KIF13A: variants seen among roughly 807,000 people sequenced by gnomAD.
KIF13A encodes the protein kinesin family member 13A, also known as kinesin-like protein KIF13A.
KIF13A carries 79 observed loss-of-function variants against 212.2 expected under a neutral mutation model. The ratio of observed to expected loss-of-function variants is 0.37; its 90% CI spans 0.31 to 0.45. The LOEUF is 0.45. KIF13A is among the 20% of genes least tolerant of loss of function. KIF13A has a pLI of 1.00. For missense variants in KIF13A, 1,901 were observed against 2,209.0 expected (o/e 0.86, Z 2.79); for synonymous variants, 789 against 808.6 (o/e 0.98, Z 0.41).
At chr6:17,863,612 C>T (rs1394230144) in intron 4 of KIF13A, among the ~76,000 whole-genome samples, 1 of 152,020 alleles carries the variant, frequency 6.6e-6, no homozygotes, top group Non-Finnish European at 1.5e-5. Context: ...AATTGTCAAC[C>T]AAAGCCTAAA....
intron 32 of KIF13A, 73 bp downstream of exon 32, chr6:17,779,519 G>T (rs191687455): frequency 3.2e-6 from 2 of 627,650 alleles, no homozygotes; most frequent in Admixed American, 5.3e-5. Context: ...TGATCCACCC[G>T]CCTCGGCCTC....
chr6:17,976,064 A>C (rs1023364783), intron 2 of KIF13A, among the ~76,000 whole-genome samples: 1 of 152,234 alleles, frequency 6.6e-6, no homozygotes, highest in Non-Finnish European at 1.5e-5. Flanking sequence ...TGGTGTATTT[A>C]CAGTCCCTGA....
At chr6:17,894,344 G>T (rs1381037564) in intron 3 of KIF13A, among the ~76,000 whole-genome samples, 1 of 150,918 alleles carries the variant, frequency 6.6e-6, no homozygotes, top group African/African-American at 2.4e-5. Flanking sequence ...TATTGCTCAA[G>T]CTAGTCTCAA....
At chr6:17,959,648 A>C (rs1312021887) in intron 2 of KIF13A, among the ~76,000 whole-genome samples, 2 of 152,384 alleles carry the variant, frequency 1.3e-5, no homozygotes, top group East Asian at 3.9e-4. Flanking sequence ...ATTTTCAATT[A>C]TATTTCCTAA....
At chr6:17,822,594 A>C (rs1344854718) in intron 16 of KIF13A, among the ~76,000 whole-genome samples, 2 of 152,302 alleles carry the variant, frequency 1.3e-5, no homozygotes, top group African/African-American at 4.8e-5. Flanking sequence ...AAATGATTAA[A>C]CTGATACCAC....
At chr6:17,814,166 T>C (rs145252781) in intron 17 of KIF13A, among the ~76,000 whole-genome samples, 3,920 of 151,592 alleles carry the variant, frequency 0.026, 74 homozygotes, top group Non-Finnish European at 0.041. Context: ...TTAGCCAGGA[T>C]GGTCTTGATC....
At position 17,799,459 on chromosome 6, in the gene KIF13A, A is replaced by G; in HGVS notation, c.2617-20T>C. Reference sequence around the variant, plus strand: ...TTTTACCTGAAGAGATAAACAATACAAATAAAACTCCAATGAACACTAAAC... The same window carrying G: ...TTTTACCTGAAGAGATAAACAATACGAATAAAACTCCAATGAACACTAAAC... On this transcript the variant is annotated intron_variant, in intron 21 of 38. Coordinates refer to ENST00000259711, the MANE Select transcript of KIF13A (RefSeq NM_022113.6). This position sits in a 1 kb window ranked among gnomAD's most constrained non-coding sequence, Gnocchi z 4.4. The G allele has an allele frequency of 6.7e-7, 1 of 1,490,078 alleles. No individual in the cohort carries two copies. The highest frequency in any genetic ancestry group is 9.0e-7 in the Non-Finnish European group (1 of 1,113,002). 92.3% of individuals were successfully genotyped at this position (1,490,078 alleles called of 1,614,324 possible).
chr6:17,771,310 TA>T lies in KIF13A; in HGVS notation c.4477-93del. On this transcript the variant is annotated intron_variant, in intron 37 of 38. Coordinates refer to ENST00000259711, the MANE Select transcript of KIF13A (RefSeq NM_022113.6). The surrounding 1 kb of genome is among the most constrained non-coding windows in gnomAD (Gnocchi z 5.4). Reference sequence around the variant, plus strand: ...TACATGCAAGTTAGAAAAGCAATGCTAACACTCTTATTACATGTGAGTAATG... The same window carrying T: ...TACATGCAAGTTAGAAAAGCAATGCTACACTCTTATTACATGTGAGTAATG... 1 of 774,992 alleles carries T rather than the reference TA, an allele frequency of 1.3e-6. No individual in the cohort carries two copies. The highest frequency in any genetic ancestry group is 2.2e-6 in the Non-Finnish European group (1 of 453,922). The allele number at this position is 774,992 out of a possible 1,614,324, so 48.0% of individuals were successfully genotyped here. A position where few individuals can be genotyped will look rare whatever the true frequency, so the allele number is the denominator to read the frequency against.
At chr6:17,815,286 A>T (rs149262793) in intron 17 of KIF13A, among the ~76,000 whole-genome samples, 5,772 of 119,834 alleles carry the variant, frequency 0.048, 126 homozygotes, top group African/African-American at 0.066. Context: ...CCACTGAAGC[A>T]CAGCATCACA....
chr6:17,977,113 A>G (rs1309057828), intron 2 of KIF13A, among the ~76,000 whole-genome samples: 1 of 69,378 alleles, frequency 1.4e-5, no homozygotes, highest in Admixed American at 1.2e-4. Context: ...AAAAACAACA[A>G]CAAAAAAAAA....
chr6:17,860,223 C>T (rs1430330542), intron 4 of KIF13A, among the ~76,000 whole-genome samples: 1 of 151,936 alleles, frequency 6.6e-6, no homozygotes, highest in Non-Finnish European at 1.5e-5. Context: ...GAGTCTTGTT[C>T]TGTCGCCCAG....
In KIF13A at chr6:17,963,509, G is replaced by A. The variant is rs2150591709; in HGVS notation, c.146+23545C>T. Among the ~76,000 whole-genome samples the A allele has an allele frequency of 6.6e-6, 1 of 152,320 alleles. No individual in the cohort carries two copies. The highest frequency in any genetic ancestry group is 2.1e-4 in the South Asian group (1 of 4,828). On this transcript the variant is annotated intron_variant, in intron 2 of 38. Transcript: ENST00000259711. The surrounding 1 kb of genome is among the most constrained non-coding windows in gnomAD (Gnocchi z 4.1). ...CAATATGAAGAAATATATTACCGAT[G>A]ACCACAAAAGGGCCCCAAGAGATTT...
chr6:17,794,920 G>A lies in KIF13A; in HGVS notation c.2943-216C>T. ...GTAGACTGAAATGTCCACATCTTGA[G>A]TATAGAGCTCGATGAGTTTTGAGAA... On this transcript the variant is annotated intron_variant, in intron 23 of 38. Transcript: ENST00000259711. The surrounding 1 kb of genome is among the most constrained non-coding windows in gnomAD (Gnocchi z 4.1). 2.0e-6 allele frequency: 1 copy of A among 507,868 alleles called. No homozygotes were observed. Among genetic ancestry groups the A allele is most frequent in the Non-Finnish European group, 3.4e-6 (1 of 292,256 alleles). 31.5% of individuals were successfully genotyped at this position (507,868 alleles called of 1,614,324 possible).
Position 17,766,241 on chromosome 6 carries a change from T to TTTATTTATTTAC in KIF13A, c.4582-1296_4582-1295insGTAAATAAATAA, listed in dbSNP as rs1758968358. Among the ~76,000 whole-genome samples the TTTATTTATTTAC allele has an allele frequency of 5.3e-5, 8 of 150,942 alleles. No individual in the cohort carries two copies. The South Asian group carries it at 1.7e-3, about 31-fold the overall frequency. On this transcript the variant is annotated intron_variant, in intron 38 of 38. Coordinates refer to ENST00000259711, the MANE Select transcript of KIF13A (RefSeq NM_022113.6). ...TAAGATTTATTTATTTATTTATTTA[T>TTTATTTATTTAC]TTATTTATTTATTTTGAGATGGAGT...
chr6:17,772,399 A>AGT lies in KIF13A; in HGVS notation c.4325-341_4325-340insAC, dbSNP rs1408130326. On this transcript the variant is annotated intron_variant, in intron 36 of 38. Coordinates refer to ENST00000259711, the MANE Select transcript of KIF13A (RefSeq NM_022113.6). The surrounding 1 kb of genome is among the most constrained non-coding windows in gnomAD (Gnocchi z 4.8). ...ACTCCAGCCCGGGCAAGAGAGAGAG[A>AGT]GGGAGACCCTGTCTAAAAACAAAAC... Among the ~76,000 whole-genome samples the AGT allele has an allele frequency of 6.6e-6, 1 of 152,148 alleles. No individual in the cohort carries two copies. Among genetic ancestry groups the AGT allele is most frequent in the Non-Finnish European group, 1.5e-5 (1 of 68,022 alleles).
chr6:17,915,422 C>G lies in KIF13A; in HGVS notation c.147-17242G>C, dbSNP rs545452890. On this transcript the variant is annotated intron_variant, in intron 2 of 38. Transcript: ENST00000259711. This position sits in a 1 kb window ranked among gnomAD's most constrained non-coding sequence, Gnocchi z 4.4. ...CTTTTAAAAGCAGCAGAGTAACACA[C>G]GCGATGCAAGGCCCCTCATTTTCAG... 2.6e-5 allele frequency among the ~76,000 whole-genome samples: 4 copies of G among 152,194 alleles called. No homozygotes were observed. Among genetic ancestry groups the G allele is most frequent in the African/African-American group, 9.6e-5 (4 of 41,454 alleles).
chr6:17,879,861 G>A (rs184175784), intron 3 of KIF13A, among the ~76,000 whole-genome samples: 1 of 152,292 alleles, frequency 6.6e-6, no homozygotes, highest in African/African-American at 2.4e-5. Context: ...GGTCTTTACA[G>A]TAGTTTTGAT....
chr6:17,830,921 A>G (rs561041668), intron 13 of KIF13A, among the ~76,000 whole-genome samples, 180 bp downstream of exon 13: 10 of 152,194 alleles, frequency 6.6e-5, no homozygotes, highest in African/African-American at 2.2e-4. Flanking sequence ...GCACAGCCCC[A>G]GATGATACAA....
In KIF13A at chr6:17,849,778, TGAG is replaced by T. The variant is rs1767450069; in HGVS notation, c.718-292_718-290del. 6.6e-6 allele frequency among the ~76,000 whole-genome samples: 1 copy of T among 152,192 alleles called. No individual in the cohort carries two copies. The highest frequency in any genetic ancestry group is 2.4e-5 in the African/African-American group (1 of 41,450). ...GATTTAAAATGCCTATGAGGAGATA[TGAG>T]GACATGAGGATTTCTGCACATTCAA... is the stretch of plus-strand genomic sequence containing the variant. On this transcript the variant is annotated intron_variant, in intron 8 of 38. Coordinates refer to ENST00000259711, the MANE Select transcript of KIF13A (RefSeq NM_022113.6). The surrounding 1 kb of genome is among the most constrained non-coding windows in gnomAD (Gnocchi z 5.7).
Sources: allele counts gnomAD v4.1 joint callset (sites outside exome capture counted in the v4.1 genomes callset), GRCh38; gene constraint gnomAD v4.1.1; non-coding constraint Gnocchi (gnomAD v3.1); transcripts MANE v1.5; gene names NCBI Gene and HGNC (gene_info 2026-07-23, HGNC 2026-07-21).